The following GRHL2 variants were observed in gnomAD, a reference collection of about 807,000 sequenced individuals.
The protein encoded by GRHL2 is grainyhead-like protein 2 homolog.
A neutral mutation model predicts 83.8 loss-of-function variants in GRHL2; 21 were observed. The observed-to-expected ratio is 0.25, with a 90% CI of 0.18 to 0.36. The LOEUF (loss-of-function observed/expected upper bound fraction) is 0.36, where lower values mean the gene tolerates loss of function less well. GRHL2 is among the 10% of genes least tolerant of loss of function. The pLI is 1.00. For missense variants in GRHL2, 623 were observed against 781.8 expected (o/e 0.80, Z 2.42); for synonymous variants, 280 against 278.9 (o/e 1.00, Z -0.04).
chr8:101,548,846 G>A (rs1295235176), intron 2 of GRHL2, among the ~76,000 whole-genome samples: 1 of 152,202 alleles, frequency 6.6e-6, no homozygotes, highest in Non-Finnish European at 1.5e-5. Flanking sequence ...GCTCACATCA[G>A]GGGCTCTTGG....
intron 8 of GRHL2, among the ~76,000 whole-genome samples, chr8:101,599,918 T>C (rs989290618): frequency 6.6e-6 from 1 of 152,220 alleles, no homozygotes; most frequent in African/African-American, 2.4e-5. Flanking sequence ...TTGATTCTTA[T>C]TTTGCACTCA....
At chr8:101,612,208 T>G (rs1812763969) in intron 8 of GRHL2, among the ~76,000 whole-genome samples, 1 of 151,156 alleles carries the variant, frequency 6.6e-6, no homozygotes, top group Admixed American at 6.6e-5. Context: ...CAGGTTAGTC[T>G]CGAACTCCTG....
chr8:101,675,221 G>A, the GRHL2 span, among the ~76,000 whole-genome samples: 1 of 152,138 alleles, frequency 6.6e-6, no homozygotes, highest in Non-Finnish European at 1.5e-5. Flanking sequence ...CAATTAGGCA[G>A]AAGAAGGAAA....
At chr8:101,592,330 C>A (rs555380356) in intron 7 of GRHL2, among the ~76,000 whole-genome samples, 2 of 152,036 alleles carry the variant, frequency 1.3e-5, no homozygotes, top group Non-Finnish European at 2.9e-5. Context: ...GTCTCAAAGT[C>A]CTGACCTCGT....
intron 1 of GRHL2, among the ~76,000 whole-genome samples, chr8:101,535,351 C>T (rs1811023617): frequency 6.6e-6 from 1 of 151,976 alleles, no homozygotes; most frequent in Non-Finnish European, 1.5e-5. Flanking sequence ...TAGAAGAAAG[C>T]CAAAGACTAA....
chr8:101,566,696 C>A (rs922820816), intron 4 of GRHL2, among the ~76,000 whole-genome samples: 2 of 151,262 alleles, frequency 1.3e-5, no homozygotes, highest in African/African-American at 4.8e-5. Context: ...CTCCCCCATA[C>A]AACCTTATCC....
intron 1 of GRHL2, among the ~76,000 whole-genome samples, chr8:101,522,155 G>A (rs1810698754): frequency 1.3e-5 from 2 of 152,084 alleles, no homozygotes; most frequent in Admixed American, 6.6e-5. Flanking sequence ...GCCCAAGTGT[G>A]TGATGTTCCC....
rs78337775 is a variant in GRHL2, at chr8:101,608,376, T to A, written c.1098+9225T>A. ...TTATCTCTGACAAGGGAATAACCAT[T>A]CCTGTGAAGCTGCGCACCCACTGCA... On this transcript the variant is annotated intron_variant, in intron 8 of 15. Transcript: ENST00000646743. Among the ~76,000 whole-genome samples, 819 of 151,506 alleles carry A rather than the reference T, an allele frequency of 5.4e-3. 13 individuals are homozygous for A. Among genetic ancestry groups the A allele is most frequent in the East Asian group, 0.05 (258 of 5,178 alleles).
chr8:101,543,263 G>A lies in GRHL2; in HGVS notation c.43G>A (p.Val15Met). The A allele has an allele frequency of 6.2e-7, 1 of 1,614,056 alleles. No individual in the cohort carries two copies. The highest frequency in any genetic ancestry group is 1.1e-5 in the South Asian group (1 of 91,078). The change falls in exon 2 of 16, where the codon GTG (valine) becomes ATG (methionine). Residue 15 changes from valine (V) to methionine (M), a missense_variant. Physicochemically the swap from Val to Met is conservative, Grantham distance 21 (BLOSUM62 1). This residue lies in a region of GRHL2 where 39 missense variants were observed against 34.8 expected (regional missense o/e 1.12). Transcript: ENST00000646743. ...SDNNKRLVAL[V>M]PMPSDPPFNT... ...CAGTAATAAAAGACTAGTGGCCTTA[G>A]TGCCCATGCCCAGTGACCCTCCATT...
intron 7 of GRHL2, among the ~76,000 whole-genome samples, chr8:101,591,599 G>A (rs902069231): frequency 1.3e-5 from 2 of 152,152 alleles, no homozygotes. Flanking sequence ...ACAAATATGG[G>A]CAGTGGTTAA....
downstream of GRHL2, among the ~76,000 whole-genome samples, chr8:101,672,552 T>G (rs1198072643): frequency 6.6e-6 from 1 of 151,676 alleles, no homozygotes; most frequent in Non-Finnish European, 1.5e-5. Context: ...TATGGGACTA[T>G]GTGAAAAGAC....
chr8:101,495,468 A>G (rs1468235787), intron 1 of GRHL2, among the ~76,000 whole-genome samples: 2 of 152,226 alleles, frequency 1.3e-5, no homozygotes, highest in African/African-American at 4.8e-5. Context: ...TTGTCTTTGT[A>G]CATATTTTAA....
intron 11 of GRHL2, among the ~76,000 whole-genome samples, chr8:101,632,917 G>A (rs1310648512): frequency 1.3e-5 from 2 of 152,186 alleles, no homozygotes; most frequent in Non-Finnish European, 2.9e-5. Context: ...TGAAACGAAA[G>A]ATCTCAAACT....
chr8:101,677,889 T>C, the GRHL2 span, among the ~76,000 whole-genome samples: 2 of 152,090 alleles, frequency 1.3e-5, no homozygotes, highest in African/African-American at 2.4e-5. Context: ...GAATAGATCA[T>C]TGGTGATACC....
intron 9 of GRHL2, among the ~76,000 whole-genome samples, chr8:101,622,022 T>A (rs1448543112): frequency 6.6e-6 from 1 of 152,226 alleles, no homozygotes; most frequent in South Asian, 2.1e-4. Flanking sequence ...AGAAAGCATA[T>A]GTATTTAAAC....
intron 1 of GRHL2, among the ~76,000 whole-genome samples, chr8:101,530,353 TTTGTGCTTTCTC>T (rs1388228881): frequency 1.3e-5 from 2 of 152,204 alleles, no homozygotes; most frequent in African/African-American, 2.4e-5. Context: ...GTAAAGTGCT[TTTGTGCTTTCTC>T]TCTTACTGCT....
intron 14 of GRHL2, among the ~76,000 whole-genome samples, chr8:101,652,589 TG>T (rs1813692775): frequency 1.6e-5 from 1 of 62,686 alleles, no homozygotes; most frequent in African/African-American, 1.1e-4. Context: ...GTGTGGTGTC[TG>T]TGTGTGTGTG....
intron 14 of GRHL2, among the ~76,000 whole-genome samples, chr8:101,650,469 A>G (rs1397223785): frequency 3.3e-5 from 5 of 152,200 alleles, no homozygotes; most frequent in Admixed American, 1.3e-4. Context: ...TACTGCTACT[A>G]TGAACATTCA....
At chr8:101,673,693 T>C (rs945232566), downstream of GRHL2, among the ~76,000 whole-genome samples, 1 of 152,036 alleles carries the variant, frequency 6.6e-6, no homozygotes, top group African/African-American at 2.4e-5. Context: ...AACTCAGCTC[T>C]GCACCAAGAG....
Sources: gnomAD v4.1 joint callset for allele counts (sites outside exome capture counted in the v4.1 genomes callset) on GRCh38, gnomAD v4.1.1 for gene constraint, gnomAD v4.1.1 regional missense constraint, MANE v1.5 for transcripts, NCBI Gene and HGNC (gene_info 2026-07-23, HGNC 2026-07-21) for gene names.